The following UMAD1 variants were observed in gnomAD, a reference collection of about 807,000 sequenced individuals.
UMAD1 encodes the protein UBAP1-MVB12-associated (UMA)-domain containing protein 1.
In UMAD1, 8 loss-of-function variants were observed where a neutral mutation model predicts 6.1. The ratio of observed to expected loss-of-function variants is 1.30; its 90% confidence interval spans 0.76 to 2.35. The LOEUF is 2.35. UMAD1 is among the 30% of genes most tolerant of loss of function. The probability of loss-of-function intolerance (pLI) is 0.00; values close to 1 mark genes in which losing one functional copy is unlikely to be tolerated. For synonymous variants in UMAD1, 56 were observed against 31.4 expected (o/e 1.78, Z -2.61); for missense variants, 130 against 78.4 (o/e 1.66, Z -2.49).
At chr7:7,677,749 CTGCAAGCTCT>C in intron 2 of UMAD1, among the ~76,000 whole-genome samples, 1 of 140,616 alleles carries the variant, frequency 7.1e-6, no homozygotes, top group Non-Finnish European at 1.5e-5. Context: ...TCTCGGCTCA[CTGCAAGCTCT>C]GCCTCCCAGG....
intron 3 of UMAD1, among the ~76,000 whole-genome samples, chr7:7,825,108 T>A (rs1783314567): frequency 1.3e-5 from 2 of 152,106 alleles, no homozygotes; most frequent in South Asian, 4.1e-4. Context: ...AGGCTGCCTG[T>A]CAATATCTTA....
At chr7:7,694,120 T>C (rs1780247260) in intron 2 of UMAD1, among the ~76,000 whole-genome samples, 1 of 152,204 alleles carries the variant, frequency 6.6e-6, no homozygotes, top group Non-Finnish European at 1.5e-5. Flanking sequence ...GTTGGAAATT[T>C]GTCTGTGTGA....
chr7:7,758,845 ACTCT>A (rs774426438), intron 2 of UMAD1, among the ~76,000 whole-genome samples: 1 of 151,462 alleles, frequency 6.6e-6, no homozygotes, highest in African/African-American at 2.4e-5. Context: ...ATTTGTGGAC[ACTCT>A]CTCTCTCCCC....
chr7:7,662,480 C>T (rs1460727024), intron 1 of UMAD1, among the ~76,000 whole-genome samples: 5 of 152,198 alleles, frequency 3.3e-5, no homozygotes, highest in Non-Finnish European at 5.9e-5. Context: ...CTGTGGGTTG[C>T]GAAGACCGTG....
intron 3 of UMAD1, among the ~76,000 whole-genome samples, chr7:7,866,573 T>C (rs2109971): frequency 0.76 from 115,531 of 152,182 alleles, 44,075 homozygotes; most frequent in Middle Eastern, 0.86. Context: ...AAAGAGAAAG[T>C]GTGTGTACAC....
intron 3 of UMAD1, chr7:7,868,674 C>T (rs73676918): frequency 3.5e-4 from 53 of 152,234 alleles, no homozygotes; most frequent in African/African-American, 1.2e-3. Flanking sequence ...CTAACCTAGC[C>T]TCTTAGTTTG....
intron 3 of UMAD1, among the ~76,000 whole-genome samples, chr7:7,852,182 G>C (rs564502392): frequency 1.3e-5 from 2 of 152,282 alleles, no homozygotes; most frequent in East Asian, 3.9e-4. Context: ...GCTGACCGCA[G>C]ATACGTGGCT....
chr7:7,795,559 C>T (rs62434084), intron 2 of UMAD1, among the ~76,000 whole-genome samples: 9,276 of 152,276 alleles, frequency 0.061, 377 homozygotes, highest in Non-Finnish European at 0.086. Context: ...GGCTGCCCCA[C>T]AGGCAGAGCA....
At chr7:7,707,706 C>G (rs1373470014) in intron 2 of UMAD1, among the ~76,000 whole-genome samples, 1 of 152,116 alleles carries the variant, frequency 6.6e-6, no homozygotes, top group Non-Finnish European at 1.5e-5. Flanking sequence ...TAAAGCTATT[C>G]TTAGTGTTAA....
At chr7:7,811,687 G>A (rs1783025069) in intron 3 of UMAD1, among the ~76,000 whole-genome samples, 2 of 152,184 alleles carry the variant, frequency 1.3e-5, no homozygotes, top group South Asian at 4.1e-4. Context: ...TTTGATAGGG[G>A]AGAAAGGGAG....
At chr7:7,665,423 C>T in intron 1 of UMAD1, among the ~76,000 whole-genome samples, 1 of 152,076 alleles carries the variant, frequency 6.6e-6, no homozygotes. Context: ...AAAGACTGTC[C>T]CTGTAACACA....
chr7:7,821,948 T>C (rs900263019), intron 3 of UMAD1, among the ~76,000 whole-genome samples: 1 of 152,154 alleles, frequency 6.6e-6, no homozygotes, highest in Non-Finnish European at 1.5e-5. Flanking sequence ...CCTTGAGTAA[T>C]AATCTATCAC....
intron 2 of UMAD1, chr7:7,742,390 T>A: frequency 1.7e-6 from 1 of 586,780 alleles, no homozygotes. Context: ...GCCTCCGGAG[T>A]CGCAGTGTCT....
rs184483621 is a variant in UMAD1 at position 7,656,370 on chromosome 7, G to A, written c.-64+15549G>A. On this transcript the variant is annotated intron_variant, in intron 1 of 3. Transcript: ENST00000682710. ...CTGGAGTACATGTACAGAACGTGCA[G>A]GTTTGTTTCATAGGTATACACGTGC... 2.4e-3 allele frequency among the ~76,000 whole-genome samples: 371 copies of A among 152,154 alleles called. 1 individual carries two copies. The highest frequency in any genetic ancestry group is 8.6e-3 in the African/African-American group (355 of 41,486).
At position 7,775,195 on chromosome 7, in the gene UMAD1, A is replaced by T. The variant is rs952876625; in HGVS notation, c.83-26475A>T. ...TCTGTTCAAATAAGCACATGAAAAG[A>T]TGCTCAGCATCGGTAGTTATTAGGG... On this transcript the variant is annotated intron_variant, in intron 2 of 3. Coordinates refer to ENST00000682710, the MANE Select transcript of UMAD1 (RefSeq NM_001302348.2). Among the ~76,000 whole-genome samples, 3 of 152,210 alleles carry T rather than the reference A, an allele frequency of 2.0e-5. No individual in the cohort carries two copies. In the East Asian group the frequency reaches 5.8e-4, roughly 29 times the overall value.
At position 7,782,529 on chromosome 7, in the gene UMAD1, T is replaced by A. The variant is rs543899670; in HGVS notation, c.83-19141T>A. 7.9e-5 allele frequency among the ~76,000 whole-genome samples: 12 copies of A among 152,208 alleles called. 1 individual carries two copies. The highest frequency in any genetic ancestry group is 2.2e-4 in the African/African-American group (9 of 41,566). On this transcript the variant is annotated intron_variant, in intron 2 of 3. Transcript: ENST00000682710. ...TTTTTATCAGTTTACTTTCAATTTT[T>A]AAAATTTTTTTTATTTTCTTTTTTA...
intron 2 of UMAD1, among the ~76,000 whole-genome samples, chr7:7,744,462 G>A (rs1781530795): frequency 6.6e-6 from 1 of 152,018 alleles, no homozygotes; most frequent in Non-Finnish European, 1.5e-5. Context: ...AGGTTATATG[G>A]CAGTCCTATG....
chr7:7,693,346 C>T (rs934324555), intron 2 of UMAD1, among the ~76,000 whole-genome samples: 8 of 111,206 alleles, frequency 7.2e-5, no homozygotes, highest in African/African-American at 2.0e-4. Flanking sequence ...TACATTATTT[C>T]GGTAGACTTA....
chr7:7,685,401 A>G (rs1780020550), intron 2 of UMAD1, among the ~76,000 whole-genome samples: 1 of 150,058 alleles, frequency 6.7e-6, no homozygotes, highest in South Asian at 2.1e-4. Flanking sequence ...CCTCTGCCTC[A>G]TGGGTTCAAG....
Sources: gnomAD v4.1 joint callset for allele counts (sites outside exome capture counted in the v4.1 genomes callset) on GRCh38, gnomAD v4.1.1 for gene constraint, MANE v1.5 for transcripts, NCBI Gene and HGNC (gene_info 2026-07-23, HGNC 2026-07-21) for gene names.